Variants in NEMP2 observed in about 807,000 individuals in gnomAD.
NEMP2 encodes UPF0571 transmembrane protein.
Under a neutral mutation model 54.2 loss-of-function variants are expected in NEMP2, and 53 were observed. The ratio of observed to expected loss-of-function variants is 0.98; its 90% CI spans 0.78 to 1.23. The LOEUF is 1.23. Among genes scored for constraint, NEMP2 ranks in the 50% most tolerant of loss-of-function variants. The pLI is 0.00. For synonymous variants in NEMP2, 197 were observed against 190.3 expected (o/e 1.04, Z -0.29); for missense variants, 455 against 511.3 (o/e 0.89, Z 1.06).
chr2:190,497,443 G>A, the NEMP2 span: 1 of 1,613,244 alleles, frequency 6.2e-7, no homozygotes, highest in South Asian at 1.1e-5. The surrounding 1 kb of genome is among the most constrained non-coding windows in gnomAD (Gnocchi z 5.2). Flanking sequence ...CTCCAGACAA[G>A]ACAATGTTGG....
the NEMP2 span, among the ~76,000 whole-genome samples, chr2:190,490,262 T>C: frequency 7.3e-6 from 1 of 137,788 alleles, no homozygotes; most frequent in East Asian, 2.0e-4. The surrounding 1 kb of genome is among the most constrained non-coding windows in gnomAD (Gnocchi z 4.5). Context: ...CCTTCATTTG[T>C]TAAAAAAAAA....
the NEMP2 span, among the ~76,000 whole-genome samples, chr2:190,604,406 T>C: frequency 8.5e-5 from 13 of 152,238 alleles, no homozygotes; most frequent in African/African-American, 3.1e-4. The surrounding 1 kb of genome is among the most constrained non-coding windows in gnomAD (Gnocchi z 4.5). Context: ...TCTCTTCCCT[T>C]CTTTCTACTG....
the NEMP2 span, among the ~76,000 whole-genome samples, chr2:190,578,533 G>A: frequency 6.6e-6 from 1 of 152,132 alleles, no homozygotes; most frequent in Non-Finnish European, 1.5e-5. The surrounding 1 kb of genome is among the most constrained non-coding windows in gnomAD (Gnocchi z 4.4). Flanking sequence ...AAATAAGTAC[G>A]GGTGATAATG....
the NEMP2 span, among the ~76,000 whole-genome samples, chr2:190,640,787 A>ATTTTTTTTTTTTTTTTTT: frequency 8.5e-6 from 1 of 118,028 alleles, no homozygotes; most frequent in African/African-American, 3.5e-5. Context: ...AACACATTCA[A>ATTTTTTTTTTTTTTTTTT]TTTTTTTTTT....
chr2:190,598,466 G>T, the NEMP2 span, among the ~76,000 whole-genome samples: 1 of 152,118 alleles, frequency 6.6e-6, no homozygotes, highest in Admixed American at 6.5e-5. Context: ...CTTCTTAATG[G>T]ATATAAGCCT....
chr2:190,524,480 C>G (rs543767751), intron 2 of NEMP2, among the ~76,000 whole-genome samples: 61 of 152,236 alleles, frequency 4.0e-4, no homozygotes, highest in Middle Eastern at 6.8e-3. Context: ...CAATTGACAT[C>G]AAATGCTTGC....
At chr2:190,487,197 TG>T in the NEMP2 span, among the ~76,000 whole-genome samples, 1 of 146,834 alleles carries the variant, frequency 6.8e-6, no homozygotes, top group Non-Finnish European at 1.5e-5. The surrounding 1 kb of genome is among the most constrained non-coding windows in gnomAD (Gnocchi z 5.5). Flanking sequence ...AAAAATTAGC[TG>T]GGGGTGGTGG....
rs1690606310 is a variant in NEMP2, at chr2:190,517,578, A to G, written c.554T>C (p.Leu185Pro). 6.4e-7 allele frequency: 1 copy of G among 1,550,554 alleles called. No homozygotes were observed. The highest frequency in any genetic ancestry group is 2.0e-5 in the Admixed American group (1 of 50,708). ...AAAGACTAATGTCATTAGAACACCT[A>G]GCACAGTTCCCGAGGAGTAATAGAA... Reference protein sequence around the residue: ...PTFYYSSGTVLGVLMTLVFVL... With the variant: ...PTFYYSSGTVPGVLMTLVFVL... The change falls in exon 5 of 9, where the codon CTA (leucine) becomes CCA (proline). Residue 185 changes from leucine to proline, a missense_variant. Transcript: ENST00000409150.
chr2:190,422,791 T>C, the NEMP2 span, among the ~76,000 whole-genome samples: 1 of 152,140 alleles, frequency 6.6e-6, no homozygotes, highest in African/African-American at 2.4e-5. Flanking sequence ...CTTCCCTTAA[T>C]TTTTTTCTTT....
the NEMP2 span, among the ~76,000 whole-genome samples, chr2:190,545,943 C>T: frequency 2.0e-5 from 3 of 152,106 alleles, no homozygotes; most frequent in Admixed American, 2.0e-4. Context: ...TATTGCTGGT[C>T]ATAGGAGTGG....
At chr2:190,428,736 C>G in the NEMP2 span, among the ~76,000 whole-genome samples, 1 of 152,024 alleles carries the variant, frequency 6.6e-6, no homozygotes, top group African/African-American at 2.4e-5. Context: ...GGCAGTGGTG[C>G]TATCTCAGCT....
At chr2:190,499,379 AT>A (rs1392881201), downstream of NEMP2, among the ~76,000 whole-genome samples, 3 of 152,122 alleles carry the variant, frequency 2.0e-5, no homozygotes, top group African/African-American at 7.2e-5. The surrounding 1 kb of genome is among the most constrained non-coding windows in gnomAD (Gnocchi z 6.0). Context: ...TGTACAACCA[AT>A]ATGGCATTTA....
the NEMP2 span, among the ~76,000 whole-genome samples, chr2:190,468,716 C>T: frequency 6.6e-6 from 1 of 151,656 alleles, no homozygotes; most frequent in Non-Finnish European, 1.5e-5. Flanking sequence ...GCCTCAGCCT[C>T]CCAGGGTGCT....
At chr2:190,626,155 A>T in the NEMP2 span, 1 of 152,152 alleles carries the variant, frequency 6.6e-6, no homozygotes, top group African/African-American at 2.4e-5. The surrounding 1 kb of genome is among the most constrained non-coding windows in gnomAD (Gnocchi z 4.5). Flanking sequence ...TAAGGGCACT[A>T]ATCTTATTCA....
the NEMP2 span, among the ~76,000 whole-genome samples, chr2:190,490,894 A>G: frequency 2.6e-5 from 4 of 152,210 alleles, no homozygotes; most frequent in East Asian, 1.9e-4. This position sits in a 1 kb window ranked among gnomAD's most constrained non-coding sequence, Gnocchi z 4.5. Flanking sequence ...TTTAATCTCA[A>G]TGAGTTACTC....
chr2:190,633,067 G>A, the NEMP2 span, among the ~76,000 whole-genome samples: 4 of 151,070 alleles, frequency 2.6e-5, no homozygotes, highest in Non-Finnish European at 4.4e-5. Context: ...ATTTTTCCCT[G>A]TTGAAATCTA....
In NEMP2 at chr2:190,513,263, C is replaced by T. The variant is rs1483859005; in HGVS notation, c.953+1190G>A. Among the ~76,000 whole-genome samples, 4 of 152,200 alleles carry T rather than the reference C, an allele frequency of 2.6e-5. No homozygotes were observed. The highest frequency in any genetic ancestry group is 9.7e-5 in the African/African-American group (4 of 41,448). ...AACATTTAAAAATCCTGAGATTTCA[C>T]ATTCTAATCGTAATTCCCATTTCCA... On this transcript the variant is annotated intron_variant, in intron 7 of 8. Transcript: ENST00000409150. The surrounding 1 kb of genome is among the most constrained non-coding windows in gnomAD (Gnocchi z 5.3).
the NEMP2 span, among the ~76,000 whole-genome samples, chr2:190,613,950 T>C: frequency 7.9e-6 from 1 of 125,968 alleles, no homozygotes; most frequent in Non-Finnish European, 1.9e-5. Context: ...TTAAGTCATA[T>C]AAACTTGAGA....
chr2:190,474,659 C>A, the NEMP2 span, among the ~76,000 whole-genome samples: 1 of 152,198 alleles, frequency 6.6e-6, no homozygotes. Flanking sequence ...TGGTACCATT[C>A]CTTCTGAAAC....
Sources: gnomAD v4.1 joint callset for allele counts (sites outside exome capture counted in the v4.1 genomes callset) on GRCh38, gnomAD v4.1.1 for gene constraint, Gnocchi (gnomAD v3.1) non-coding constraint, MANE v1.5 for transcripts, NCBI Gene and HGNC (gene_info 2026-07-23, HGNC 2026-07-21) for gene names.